The following AFAP1 variants were observed in gnomAD, a reference collection of about 807,000 sequenced individuals.
The protein encoded by AFAP1 is actin filament associated protein 1.
A neutral mutation model predicts 93.9 loss-of-function variants in AFAP1; 75 were observed. The ratio of observed to expected loss-of-function variants is 0.80; its 90% confidence interval spans 0.66 to 0.97. AFAP1 has a LOEUF of 0.97. AFAP1 is among the 50% of genes least tolerant of loss of function. The pLI, the probability that AFAP1 is intolerant of heterozygous loss-of-function variation, is 0.00. For synonymous variants in AFAP1, 517 were observed against 430.7 expected (o/e 1.20, Z -2.48); for missense variants, 1,201 against 1,050.8 (o/e 1.14, Z -1.98).
intron 1 of AFAP1, among the ~76,000 whole-genome samples, chr4:7,897,514 T>TTTG (rs1718855919): frequency 6.9e-6 from 1 of 144,090 alleles, no homozygotes; most frequent in East Asian, 1.9e-4. Context: ...CGCTTGTTTT[T>TTTG]TTTGTTTGTT....
At chr4:7,794,157 C>T (rs1339113156) in intron 10 of AFAP1, among the ~76,000 whole-genome samples, 1 of 152,136 alleles carries the variant, frequency 6.6e-6, no homozygotes, top group African/African-American at 2.4e-5. Flanking sequence ...GCTGGGGTGC[C>T]TTTGGCAACA....
At chr4:7,809,042 A>G (rs116406388) in intron 9 of AFAP1, among the ~76,000 whole-genome samples, 7,396 of 144,090 alleles carry the variant, frequency 0.051, 251 homozygotes, top group Admixed American at 0.1. Flanking sequence ...TGACGTGATA[A>G]GGAAGCTTAG....
chr4:7,805,444 G>T (rs1043195778), intron 9 of AFAP1, among the ~76,000 whole-genome samples: 6 of 152,158 alleles, frequency 3.9e-5, no homozygotes, highest in African/African-American at 1.4e-4. Context: ...CATTTACTGT[G>T]CCTTGGATAG....
intron 3 of AFAP1, among the ~76,000 whole-genome samples, chr4:7,859,718 TAG>T (rs1715455746): frequency 6.6e-6 from 1 of 152,180 alleles, no homozygotes; most frequent in Non-Finnish European, 1.5e-5. Flanking sequence ...TAGAGAAAAC[TAG>T]TACTTACACA....
intron 2 of AFAP1, among the ~76,000 whole-genome samples, chr4:7,871,124 A>C (rs143267474): frequency 7.9e-5 from 12 of 152,198 alleles, no homozygotes; most frequent in African/African-American, 2.4e-4. Flanking sequence ...GATGCTCTCC[A>C]CAGCAGCACT....
intron 16 of AFAP1, 31 bp downstream of exon 16, chr4:7,772,789 A>C (rs541379710): frequency 6.2e-7 from 1 of 1,602,472 alleles, no homozygotes; most frequent in Non-Finnish European, 8.5e-7. Flanking sequence ...AGGCCGCGCC[A>C]GCCTCCGAGG....
intron 11 of AFAP1, chr4:7,788,556 A>G (rs1717532803): frequency 2.0e-5 from 3 of 152,266 alleles, no homozygotes; most frequent in African/African-American, 7.2e-5. Context: ...AAAGTACATA[A>G]AAGTATACGT....
chr4:7,775,851 T>A (rs574984898), intron 14 of AFAP1: 1 of 152,188 alleles, frequency 6.6e-6, no homozygotes, highest in East Asian at 1.9e-4. Flanking sequence ...CAAACACAAA[T>A]GGGCAACACA....
At chr4:7,809,821 A>G (rs995913796) in intron 8 of AFAP1, 58 bp from the exon 9 acceptor site, 3 of 1,560,662 alleles carry the variant, frequency 1.9e-6, no homozygotes, top group Non-Finnish European at 2.6e-6. Context: ...TAATTGAAAA[A>G]AAAAACATAC....
At position 7,760,070 on chromosome 4, in the gene AFAP1, C is replaced by G. The variant is rs1457079414; in HGVS notation, c.*3695G>C. ...CAAACAGGGGAGCTTTGCTCACAACCCTACACCTAACCCCAGCTTCGACGC... is the reference window on the plus strand; with the variant it reads ...CAAACAGGGGAGCTTTGCTCACAACGCTACACCTAACCCCAGCTTCGACGC... On this transcript the variant is annotated 3_prime_UTR_variant, in exon 18 of 18. Transcript: ENST00000420658. 3 of 152,210 alleles carry G rather than the reference C, an allele frequency of 2.0e-5. No homozygotes were observed. The highest frequency in any genetic ancestry group is 6.5e-5 in the Admixed American group (1 of 15,288). The allele number at this position is 152,210 out of a possible 1,614,324, so 9.4% of individuals were successfully genotyped here.
intron 6 of AFAP1, among the ~76,000 whole-genome samples, chr4:7,825,989 C>T (rs781441581): frequency 4.7e-5 from 7 of 150,304 alleles, no homozygotes; most frequent in South Asian, 2.1e-4. Flanking sequence ...ACGTCTGAAC[C>T]GTTCTGAGCA....
intron 15 of AFAP1, chr4:7,773,335 G>A: frequency 3.5e-6 from 1 of 286,668 alleles, no homozygotes; most frequent in Non-Finnish European, 6.6e-6. Context: ...TCCCAAAGCT[G>A]CCACCTTCTT....
intron 5 of AFAP1, among the ~76,000 whole-genome samples, chr4:7,842,014 T>C (rs987429010): frequency 6.6e-6 from 1 of 152,196 alleles, no homozygotes; most frequent in Non-Finnish European, 1.5e-5. Flanking sequence ...AAATGAAAGT[T>C]GATTATGTAT....
chr4:7,878,373 AG>A (rs1458300279), intron 1 of AFAP1, among the ~76,000 whole-genome samples: 1 of 152,196 alleles, frequency 6.6e-6, no homozygotes, highest in Non-Finnish European at 1.5e-5. Flanking sequence ...ATTCGGATCC[AG>A]TTTCCACTGA....
chr4:7,939,174 C>G lies in AFAP1; in HGVS notation c.-3+482G>C. 1 of 202,608 alleles carries G rather than the reference C, an allele frequency of 4.9e-6. No individual in the cohort carries two copies. Among genetic ancestry groups the G allele is most frequent in the Non-Finnish European group, 1.0e-5 (1 of 95,960 alleles). The allele number at this position is 202,608 out of a possible 1,614,324, so 12.6% of individuals were successfully genotyped here. On this transcript the variant is annotated intron_variant, in intron 1 of 17. Transcript: ENST00000420658. The surrounding 1 kb of genome is among the most constrained non-coding windows in gnomAD (Gnocchi z 5.6). Reference sequence around the variant, plus strand: ...ACACTCAGGAAGCCGTCATGCGGGGCCAAGAAAGAGCCCCCATCCAGAGTC... The same window carrying G: ...ACACTCAGGAAGCCGTCATGCGGGGGCAAGAAAGAGCCCCCATCCAGAGTC...
chr4:7,873,182 T>C (rs1389374258), intron 1 of AFAP1, among the ~76,000 whole-genome samples: 2 of 139,286 alleles, frequency 1.4e-5, no homozygotes, highest in African/African-American at 5.4e-5. Context: ...GGCGGAGGTT[T>C]CAGTGAGCCA....
intron 1 of AFAP1, among the ~76,000 whole-genome samples, chr4:7,905,219 C>T (rs1560229624): frequency 6.6e-6 from 1 of 152,172 alleles, no homozygotes; most frequent in Non-Finnish European, 1.5e-5. Context: ...GATTTCAGCT[C>T]AAGCTGAAAT....
In AFAP1 at chr4:7,877,563, C is replaced by G. The variant is rs146207183; in HGVS notation, c.-2-5483G>C. Among the ~76,000 whole-genome samples, 3 of 152,276 alleles carry G rather than the reference C, an allele frequency of 2.0e-5. No homozygotes were observed. In the East Asian group the frequency reaches 5.8e-4, roughly 29 times the overall value. On this transcript the variant is annotated intron_variant, in intron 1 of 17. Transcript: ENST00000420658. Reference sequence around the variant, plus strand: ...CGTGTTGTAGGTGAGGAAACAGACACAGAAAGGCTGCCTACGGTCACCAAG... The same window carrying G: ...CGTGTTGTAGGTGAGGAAACAGACAGAGAAAGGCTGCCTACGGTCACCAAG...
At position 7,769,014 on chromosome 4, in the gene AFAP1, C is replaced by CA. The variant is rs1553820986; in HGVS notation, c.2254-7_2254-6insT. The stretch of plus-strand genomic sequence containing the variant: ...CGGTGCCGGAACACTGGAGACTTAA[C>CA]GGAGAGAGAGAACCCCATGTGATGA... On this transcript the variant is annotated splice_polypyrimidine_tract_variant and splice_region_variant and intron_variant, in intron 16 of 17. Transcript: ENST00000420658. 1 of 1,599,240 alleles carries CA rather than the reference C, an allele frequency of 6.3e-7. No homozygotes were observed. Among genetic ancestry groups the CA allele is most frequent in the African/African-American group, 1.3e-5 (1 of 74,562 alleles).
Sources: gnomAD v4.1 joint callset for allele counts (sites outside exome capture counted in the v4.1 genomes callset) on GRCh38, gnomAD v4.1.1 for gene constraint, Gnocchi (gnomAD v3.1) non-coding constraint, MANE v1.5 for transcripts, NCBI Gene and HGNC (gene_info 2026-07-23, HGNC 2026-07-21) for gene names.